The following CTNNA3 variants were observed in gnomAD, a reference collection of about 807,000 sequenced individuals.
CTNNA3 encodes catenin alpha 3, also known as catenin alpha-3.
In CTNNA3, 76 loss-of-function variants were observed where a neutral mutation model predicts 95.7. The observed-to-expected ratio is 0.79, with a 90% CI of 0.66 to 0.96. The LOEUF (loss-of-function observed/expected upper bound fraction) is 0.96, where lower values mean the gene tolerates loss of function less well. Among genes scored for constraint, CTNNA3 ranks in the 40% least tolerant of loss-of-function variants. CTNNA3 has a pLI of 0.00. For synonymous variants in CTNNA3, 431 were observed against 374.4 expected, an observed-to-expected ratio of 1.15 and a Z score of -1.74; for missense variants, 1,191 against 1,089.8, an observed-to-expected ratio of 1.09 and a Z score of -1.31.
At chr10:66,406,750 C>T (rs1425251262) in intron 11 of CTNNA3, among the ~76,000 whole-genome samples, 2 of 152,092 alleles carry the variant, frequency 1.3e-5, no homozygotes, top group African/African-American at 4.8e-5. Flanking sequence ...CTGGACAATT[C>T]AACTCAAGAG....
At chr10:66,632,555 CAAAAAA>C (rs10559608) in intron 9 of CTNNA3, among the ~76,000 whole-genome samples, 27 of 100,918 alleles carry the variant, frequency 2.7e-4, no homozygotes, top group Admixed American at 6.2e-4. Flanking sequence ...AACTCCATCT[CAAAAAA>C]AAAAAAAAAA....
At chr10:67,164,843 T>C (rs988059550) in intron 7 of CTNNA3, among the ~76,000 whole-genome samples, 13 of 152,254 alleles carry the variant, frequency 8.5e-5, no homozygotes, top group African/African-American at 3.1e-4. Flanking sequence ...TACACACTGA[T>C]TAGAACATCT....
rs564042495 is a variant in CTNNA3, at chr10:66,655,058, C to A, written c.1282-33274G>T. 1.8e-4 allele frequency among the ~76,000 whole-genome samples: 27 copies of A among 151,982 alleles called. 1 individual carries two copies. Among genetic ancestry groups the A allele is most frequent in the African/African-American group, 6.5e-4 (27 of 41,480 alleles). On this transcript the variant is annotated intron_variant, in intron 9 of 17. Coordinates refer to ENST00000433211, the MANE Select transcript of CTNNA3 (RefSeq NM_013266.4). ...TGAGTGGAGTTAATAGAACTGTATTCCTGAAAATTGCTTAGAAAGTATTTT... is the reference window on the plus strand; with the variant it reads ...TGAGTGGAGTTAATAGAACTGTATTACTGAAAATTGCTTAGAAAGTATTTT...
At chr10:66,925,429 T>C (rs1004083295) in intron 7 of CTNNA3, among the ~76,000 whole-genome samples, 2 of 152,208 alleles carry the variant, frequency 1.3e-5, no homozygotes, top group South Asian at 4.1e-4. Flanking sequence ...ATTTCCCTTC[T>C]AATTAAAAGA....
chr10:66,620,622 T>G (rs1564573351), intron 10 of CTNNA3, among the ~76,000 whole-genome samples: 1 of 152,168 alleles, frequency 6.6e-6, no homozygotes, highest in Non-Finnish European at 1.5e-5. Flanking sequence ...TTTAGAGACC[T>G]CATTGCAGTA....
chr10:67,754,449 C>T (rs1483479140), intron 1 of CTNNA3, among the ~76,000 whole-genome samples: 2 of 151,910 alleles, frequency 1.3e-5, no homozygotes, highest in East Asian at 3.9e-4. Context: ...CAAATGTATC[C>T]CAGAACTTAA....
At chr10:66,254,462 A>G (rs1190476658) in intron 13 of CTNNA3, among the ~76,000 whole-genome samples, 1 of 152,180 alleles carries the variant, frequency 6.6e-6, no homozygotes, top group East Asian at 1.9e-4. Flanking sequence ...TTAAGCTCCC[A>G]CTTTAAAGTC....
At chr10:67,267,974 G>A (rs998133463) in intron 5 of CTNNA3, among the ~76,000 whole-genome samples, 4 of 152,094 alleles carry the variant, frequency 2.6e-5, no homozygotes, top group African/African-American at 9.7e-5. Context: ...TAATTGGGAA[G>A]TGAAGAGGGG....
At chr10:66,492,786 T>C (rs1839968102) in intron 11 of CTNNA3, among the ~76,000 whole-genome samples, 1 of 152,194 alleles carries the variant, frequency 6.6e-6, no homozygotes, top group Non-Finnish European at 1.5e-5. Flanking sequence ...AATTTTACTA[T>C]ACCACCAATT....
intron 15 of CTNNA3, among the ~76,000 whole-genome samples, chr10:66,038,752 A>G (rs879811443): frequency 3.3e-5 from 5 of 152,220 alleles, no homozygotes; most frequent in Non-Finnish European, 5.9e-5. Context: ...CCTCAAAATA[A>G]TAAGAGCCAT....
intron 13 of CTNNA3, among the ~76,000 whole-genome samples, chr10:66,115,679 G>C (rs2082316825): frequency 6.6e-6 from 1 of 152,026 alleles, no homozygotes; most frequent in Non-Finnish European, 1.5e-5. Context: ...AAATCGTTAA[G>C]CTGCCAGGTA....
At chr10:66,579,426 G>C (rs910012666) in intron 10 of CTNNA3, among the ~76,000 whole-genome samples, 8 of 151,660 alleles carry the variant, frequency 5.3e-5, no homozygotes, top group African/African-American at 1.7e-4. Context: ...AAAATACCAT[G>C]ATCTATCCAA....
intron 5 of CTNNA3, among the ~76,000 whole-genome samples, chr10:67,305,201 G>A (rs375559644): frequency 2.2e-4 from 33 of 152,122 alleles, no homozygotes; most frequent in South Asian, 1.0e-3. Context: ...GTGTGAACCC[G>A]GGAGGTGGAG....
intron 13 of CTNNA3, among the ~76,000 whole-genome samples, chr10:66,188,326 T>C (rs186569679): frequency 6.4e-4 from 98 of 152,242 alleles, no homozygotes; most frequent in African/African-American, 2.2e-3. Flanking sequence ...CTAGACTTAT[T>C]TATCCTGCAT....
At chr10:66,844,265 G>A (rs1843172647) in intron 7 of CTNNA3, among the ~76,000 whole-genome samples, 1 of 152,160 alleles carries the variant, frequency 6.6e-6, no homozygotes. Flanking sequence ...ATATTCATTA[G>A]GCAGTTCAAT....
intron 13 of CTNNA3, among the ~76,000 whole-genome samples, chr10:66,128,755 AC>A (rs1023586186): frequency 2.0e-5 from 3 of 152,124 alleles, no homozygotes; most frequent in Admixed American, 6.6e-5. Context: ...CCAAGAATAC[AC>A]CCTGATGTAA....
intron 7 of CTNNA3, among the ~76,000 whole-genome samples, chr10:67,141,415 G>A (rs1237551601): frequency 3.3e-5 from 5 of 152,100 alleles, no homozygotes; most frequent in African/African-American, 7.2e-5. Context: ...AAATAAACCC[G>A]ACGTCATTCT....
At chr10:67,267,817 T>C (rs75536115) in intron 5 of CTNNA3, among the ~76,000 whole-genome samples, 10,789 of 152,200 alleles carry the variant, frequency 0.071, 640 homozygotes, top group African/African-American at 0.17. Flanking sequence ...CTATTTTTTA[T>C]TATAGCATTA....
intron 5 of CTNNA3, among the ~76,000 whole-genome samples, chr10:67,253,548 T>C (rs532319312): frequency 5.9e-5 from 9 of 152,094 alleles, no homozygotes; most frequent in African/African-American, 2.2e-4. Flanking sequence ...GATTTAAATG[T>C]TCTCTCTCTC....
Sources: allele counts gnomAD v4.1 joint callset (sites outside exome capture counted in the v4.1 genomes callset), GRCh38; gene constraint gnomAD v4.1.1; transcripts MANE v1.5; gene names NCBI Gene and HGNC (gene_info 2026-07-23, HGNC 2026-07-21).